The following PAK5 variants were observed in gnomAD, a reference collection of about 807,000 sequenced individuals.
PAK5 encodes the protein serine/threonine-protein kinase PAK 5.
PAK5 carries 16 observed loss-of-function variants against 65.9 expected under a neutral mutation model. The ratio of observed to expected loss-of-function variants is 0.24; its 90% CI spans 0.16 to 0.37. The LOEUF (loss-of-function observed/expected upper bound fraction) is 0.37, where lower values mean the gene tolerates loss of function less well. Among genes scored for constraint, PAK5 ranks in the 10% least tolerant of loss-of-function variants. The pLI, the probability that PAK5 is intolerant of heterozygous loss-of-function variation, is 1.00. For missense variants in PAK5, 785 were observed against 903.9 expected (o/e 0.87, Z 1.69); for synonymous variants, 371 against 354.9 (o/e 1.05, Z -0.51).
At chr20:9,666,061 G>T (rs2047413042) in intron 2 of PAK5, among the ~76,000 whole-genome samples, 1 of 152,060 alleles carries the variant, frequency 6.6e-6, no homozygotes, top group Admixed American at 6.6e-5. Context: ...TAACTAGCCT[G>T]CCAGGAAAGT....
At chr20:9,751,766 T>C (rs560573634) in intron 1 of PAK5, among the ~76,000 whole-genome samples, 39 of 152,280 alleles carry the variant, frequency 2.6e-4, no homozygotes, top group Middle Eastern at 3.4e-3. Flanking sequence ...TTAATACTTA[T>C]GATGTGTAAC....
chr20:9,602,854 T>C (rs16996139), intron 3 of PAK5, among the ~76,000 whole-genome samples: 8,833 of 152,300 alleles, frequency 0.058, 403 homozygotes, highest in African/African-American at 0.13. Context: ...CAGGCAAAAC[T>C]ATCCATTTAT....
At chr20:9,824,919 T>C (rs1043726173) in intron 1 of PAK5, among the ~76,000 whole-genome samples, 2 of 152,224 alleles carry the variant, frequency 1.3e-5, no homozygotes, top group African/African-American at 2.4e-5. Flanking sequence ...GTAAGCAGAA[T>C]AGTACTCAAG....
intron 1 of PAK5, among the ~76,000 whole-genome samples, chr20:9,740,091 G>A (rs530483397): frequency 3.3e-5 from 5 of 152,264 alleles, no homozygotes; most frequent in African/African-American, 9.6e-5. Flanking sequence ...GGAGTCTATA[G>A]GGAAAAGGAA....
chr20:9,644,421 A>G (rs1406855759), intron 2 of PAK5, 82 bp from the exon 3 acceptor site: 3 of 855,582 alleles, frequency 3.5e-6, no homozygotes, highest in African/African-American at 3.4e-5. Context: ...TAATTCACTC[A>G]GGGCAACATC....
At chr20:9,603,154 A>G (rs528157978) in intron 3 of PAK5, among the ~76,000 whole-genome samples, 1 of 152,326 alleles carries the variant, frequency 6.6e-6, no homozygotes, top group Non-Finnish European at 1.5e-5. Flanking sequence ...TCCGGTGTAG[A>G]AAATGGCCAA....
intron 3 of PAK5, among the ~76,000 whole-genome samples, chr20:9,582,270 G>A (rs905459664): frequency 6.6e-6 from 1 of 152,060 alleles, no homozygotes; most frequent in Non-Finnish European, 1.5e-5. Context: ...ACATTTATTT[G>A]TTATATCTTC....
chr20:9,717,022 T>C (rs922898703), intron 1 of PAK5, among the ~76,000 whole-genome samples: 6 of 151,084 alleles, frequency 4.0e-5, no homozygotes, highest in Non-Finnish European at 8.8e-5. Context: ...GAGGTAGAGG[T>C]TGCAGTGAGC....
intron 1 of PAK5, among the ~76,000 whole-genome samples, chr20:9,796,930 G>T (rs1234710999): frequency 6.6e-6 from 1 of 152,050 alleles, no homozygotes; most frequent in Non-Finnish European, 1.5e-5. Flanking sequence ...GGGTCAAATG[G>T]TATTTCTAGT....
At chr20:9,758,281 A>G (rs1315223859) in intron 1 of PAK5, among the ~76,000 whole-genome samples, 1 of 152,136 alleles carries the variant, frequency 6.6e-6, no homozygotes, top group Non-Finnish European at 1.5e-5. Context: ...TCATCATACT[A>G]TTAACAGAAG....
chr20:9,559,650 C>A (rs562638448), intron 6 of PAK5, among the ~76,000 whole-genome samples: 2 of 152,200 alleles, frequency 1.3e-5, no homozygotes, highest in South Asian at 4.1e-4. Flanking sequence ...GTAATTCCAG[C>A]TACTCAGGAG....
At chr20:9,550,877 G>A (rs142800776) in intron 7 of PAK5, among the ~76,000 whole-genome samples, 1 of 152,138 alleles carries the variant, frequency 6.6e-6, no homozygotes, top group African/African-American at 2.4e-5. Context: ...AATGGTTAAG[G>A]AGGTGAATGT....
intron 2 of PAK5, among the ~76,000 whole-genome samples, chr20:9,710,915 C>T (rs75715997): frequency 6.6e-6 from 1 of 152,118 alleles, no homozygotes; most frequent in Non-Finnish European, 1.5e-5. Context: ...ATCTTCAAAC[C>T]CTACTTGGCT....
intron 1 of PAK5, among the ~76,000 whole-genome samples, chr20:9,798,251 G>C (rs551159531): frequency 8.0e-6 from 1 of 125,432 alleles, no homozygotes; most frequent in East Asian, 2.3e-4. Flanking sequence ...GAGTTATGGG[G>C]TAAAAAAAAT....
At chr20:9,652,304 A>G (rs1363081400) in intron 2 of PAK5, among the ~76,000 whole-genome samples, 2 of 152,194 alleles carry the variant, frequency 1.3e-5, no homozygotes, top group Non-Finnish European at 2.9e-5. Context: ...TCAAGAACAA[A>G]AGATTCTCCA....
At chr20:9,699,513 T>C (rs2047911064) in intron 2 of PAK5, among the ~76,000 whole-genome samples, 1 of 151,262 alleles carries the variant, frequency 6.6e-6, no homozygotes, top group African/African-American at 2.4e-5. Context: ...AAAAAAATAT[T>C]AAGCTTATGA....
Position 9,542,443 on chromosome 20 carries a change from C to T in PAK5, c.2004+143G>A, listed in dbSNP as rs1235169953. On this transcript the variant is annotated intron_variant, in intron 9 of 9. Coordinates refer to ENST00000353224, the MANE Select transcript of PAK5 (RefSeq NM_177990.4). ...GTAAACGAATAGAAGAACAGAGATT[C>T]AAACCTAAGTGACTATTTCCAAAGT... 1.1e-5 allele frequency: 9 copies of T among 828,920 alleles called. No homozygotes were observed. The African/African-American group carries it at 1.5e-4, about 14-fold the overall frequency. 51.3% of individuals were successfully genotyped at this position (828,920 alleles called of 1,614,324 possible). A position where few individuals can be genotyped will look rare whatever the true frequency, so the allele number is the denominator to read the frequency against.
chr20:9,688,873 G>T (rs999799291), intron 2 of PAK5, among the ~76,000 whole-genome samples: 14 of 152,152 alleles, frequency 9.2e-5, no homozygotes, highest in African/African-American at 3.4e-4. Flanking sequence ...GTCCTACTCA[G>T]TGATGATTCT....
chr20:9,662,196 A>G (rs2047356430), intron 2 of PAK5, among the ~76,000 whole-genome samples: 1 of 152,170 alleles, frequency 6.6e-6, no homozygotes, highest in Non-Finnish European at 1.5e-5. Flanking sequence ...AGTTAATAAC[A>G]CTTGCATTTC....
Sources: allele counts gnomAD v4.1 joint callset (sites outside exome capture counted in the v4.1 genomes callset), GRCh38; gene constraint gnomAD v4.1.1; transcripts MANE v1.5; gene names NCBI Gene and HGNC (gene_info 2026-07-23, HGNC 2026-07-21).